GAB1: variants seen among roughly 807,000 people sequenced by gnomAD.
GAB1 encodes GRB2-associated-binding protein 1.
In GAB1, 19 loss-of-function variants were observed where a neutral mutation model predicts 66.5. The observed-to-expected ratio is 0.29, with a 90% CI of 0.20 to 0.42. The LOEUF (loss-of-function observed/expected upper bound fraction) is 0.42. GAB1 is among the 10% of genes least tolerant of loss of function. GAB1 has a pLI of 1.00. For synonymous variants in GAB1, 294 were observed against 301.4 expected (o/e 0.98, Z 0.25); for missense variants, 732 against 858.5 (o/e 0.85, Z 1.84).
rs930838659 is a variant in GAB1 at position 143,446,736 on chromosome 4, T to C, written c.1585+6354T>C. Among the ~76,000 whole-genome samples the C allele has an allele frequency of 9.2e-5, 14 of 152,218 alleles. No homozygotes were observed. The East Asian group carries it at 1.7e-3, about 19-fold the overall frequency. ...TAGGTTGCGAAAATTTTCTCCCATT[T>C]TGTAAGTTGCCTGTTCACTCTGATG... On this transcript the variant is annotated intron_variant, in intron 6 of 9. Transcript: ENST00000262994.
chr4:143,400,604 A>G (rs2149698844), intron 1 of GAB1, among the ~76,000 whole-genome samples: 1 of 152,290 alleles, frequency 6.6e-6, no homozygotes, highest in South Asian at 2.1e-4. Context: ...TGCTCCAGCA[A>G]GAATCAAATC....
intron 1 of GAB1, among the ~76,000 whole-genome samples, chr4:143,368,934 A>G (rs936945975): frequency 6.6e-6 from 1 of 152,036 alleles, no homozygotes; most frequent in South Asian, 2.1e-4. Context: ...ACAGGTGCCC[A>G]TCACCACACC....
At chr4:143,402,059 GT>G (rs3840284) in intron 1 of GAB1, among the ~76,000 whole-genome samples, 42,542 of 149,268 alleles carry the variant, frequency 0.29, 6,623 homozygotes, top group South Asian at 0.46. Flanking sequence ...TGTTTGCAGG[GT>G]TTTTTTTTTC....
intron 2 of GAB1, among the ~76,000 whole-genome samples, chr4:143,419,822 T>G (rs1471498945): frequency 2.6e-5 from 4 of 152,164 alleles, no homozygotes; most frequent in African/African-American, 9.6e-5. Context: ...TTGTTGAGTT[T>G]CTTGGAATAA....
At position 143,412,330 on chromosome 4, in the gene GAB1, G is replaced by T. The variant is rs1459990128; in HGVS notation, c.73-3147G>T. 2.0e-5 allele frequency among the ~76,000 whole-genome samples: 3 copies of T among 152,108 alleles called. No individual in the cohort carries two copies. The South Asian group carries it at 6.2e-4, about 32-fold the overall frequency. ...GTTATGTTTATTTTATTATGTATAT[G>T]TTCAGTATTGGAGCTCTTTTTCTCA... is the stretch of plus-strand genomic sequence containing the variant. On this transcript the variant is annotated intron_variant, in intron 1 of 9. Coordinates refer to ENST00000262994, the MANE Select transcript of GAB1 (RefSeq NM_002039.4).
At chr4:143,413,109 T>A (rs1732482703) in intron 1 of GAB1, among the ~76,000 whole-genome samples, 1 of 152,212 alleles carries the variant, frequency 6.6e-6, no homozygotes, top group Admixed American at 6.5e-5. Flanking sequence ...AAAAGTCATT[T>A]CTGTATTTAA....
intron 6 of GAB1, among the ~76,000 whole-genome samples, chr4:143,448,035 A>G (rs1266129354): frequency 6.6e-6 from 1 of 152,120 alleles, no homozygotes; most frequent in Admixed American, 6.5e-5. Flanking sequence ...TTCTGCATCT[A>G]TTGAGATAAT....
Position 143,469,455 on chromosome 4 carries a change from A to G in GAB1, c.*266A>G. The G allele has an allele frequency of 3.0e-6, 1 of 338,202 alleles. No homozygotes were observed. Among genetic ancestry groups the G allele is most frequent in the Admixed American group, 3.9e-5 (1 of 25,454 alleles). 21.0% of individuals were successfully genotyped at this position (338,202 alleles called of 1,614,324 possible). On this transcript the variant is annotated 3_prime_UTR_variant, in exon 10 of 10. Coordinates refer to ENST00000262994, the MANE Select transcript of GAB1 (RefSeq NM_002039.4). ...GTTCCACAGTTAACACACTCGTAGT[A>G]TTACTGTATTTATGCACTTTTTCAT...
At chr4:143,447,976 T>A (rs975278494) in intron 6 of GAB1, among the ~76,000 whole-genome samples, 1 of 152,190 alleles carries the variant, frequency 6.6e-6, no homozygotes, top group Non-Finnish European at 1.5e-5. Flanking sequence ...ATACCTAATT[T>A]ATTGAGAGTT....
At chr4:143,358,665 G>T (rs1729541235) in intron 1 of GAB1, among the ~76,000 whole-genome samples, 1 of 152,182 alleles carries the variant, frequency 6.6e-6, no homozygotes, top group Non-Finnish European at 1.5e-5. Context: ...GCATGTGTGT[G>T]TGAGAAGAAG....
chr4:143,382,860 T>C (rs1378754810), intron 1 of GAB1, among the ~76,000 whole-genome samples: 1 of 152,144 alleles, frequency 6.6e-6, no homozygotes, highest in East Asian at 1.9e-4. Flanking sequence ...AAAGTAACGT[T>C]CTCCAGGTTT....
chr4:143,396,136 A>C (rs1183680608), intron 1 of GAB1: 3 of 378,206 alleles, frequency 7.9e-6, no homozygotes, highest in African/African-American at 6.3e-5. Context: ...ACTTGACCCT[A>C]GGAGCATTCT....
At chr4:143,448,898 A>G (rs1734728385) in intron 6 of GAB1, among the ~76,000 whole-genome samples, 1 of 151,202 alleles carries the variant, frequency 6.6e-6, no homozygotes, top group African/African-American at 2.4e-5. Context: ...TCAATTTTGG[A>G]TCTTTCCTGC....
intron 1 of GAB1, among the ~76,000 whole-genome samples, chr4:143,409,260 G>A (rs533265422): frequency 6.6e-6 from 1 of 152,286 alleles, no homozygotes; most frequent in South Asian, 2.1e-4. Flanking sequence ...AGGACCATGT[G>A]GGTGCTGTCT....
At chr4:143,451,566 T>C (rs925894091) in intron 6 of GAB1, among the ~76,000 whole-genome samples, 6 of 152,200 alleles carry the variant, frequency 3.9e-5, no homozygotes, top group East Asian at 1.9e-4. Context: ...GAGTGCATAA[T>C]CAGAATGGCT....
At chr4:143,364,595 A>T (rs529181916) in intron 1 of GAB1, among the ~76,000 whole-genome samples, 20 of 152,298 alleles carry the variant, frequency 1.3e-4, no homozygotes, top group African/African-American at 4.8e-4. Context: ...TCTGTCTCGG[A>T]TGGGCCTTCA....
At chr4:143,460,302 G>A in intron 7 of GAB1, 62 bp from the exon 8 acceptor site, 1 of 1,487,938 alleles carries the variant, frequency 6.7e-7, no homozygotes, top group Admixed American at 1.7e-5. Flanking sequence ...ATTTTTATTT[G>A]GGGAATAATT....
intron 6 of GAB1, among the ~76,000 whole-genome samples, chr4:143,454,240 T>C (rs553241249): frequency 1.3e-4 from 20 of 152,366 alleles, no homozygotes; most frequent in Admixed American, 7.8e-4. Flanking sequence ...GTATTCTGTG[T>C]TCTTGTCTGT....
intron 1 of GAB1, chr4:143,395,890 C>T (rs544905784): frequency 2.2e-6 from 1 of 455,000 alleles, no homozygotes; most frequent in South Asian, 1.6e-5. Flanking sequence ...ATGGACCGCC[C>T]CCCGCCCCCG....
Sources: allele counts gnomAD v4.1 joint callset (sites outside exome capture counted in the v4.1 genomes callset), GRCh38; gene constraint gnomAD v4.1.1; transcripts MANE v1.5; gene names NCBI Gene and HGNC (gene_info 2026-07-23, HGNC 2026-07-21).